The following B4GALT5 variants were observed in gnomAD, a reference collection of about 807,000 sequenced individuals.
B4GALT5 encodes the protein UDP-Gal:beta-GlcNAc beta-1,4-galactosyltransferase 5.
B4GALT5 carries 11 observed loss-of-function variants against 45.0 expected under a neutral mutation model. The observed-to-expected ratio is 0.24, with a 90% CI of 0.15 to 0.40. The LOEUF is 0.40. Among genes scored for constraint, B4GALT5 ranks in the 10% least tolerant of loss-of-function variants. The pLI is 1.00. For synonymous variants in B4GALT5, 185 were observed against 182.9 expected, an observed-to-expected ratio of 1.01 and a Z score of -0.09; for missense variants, 337 against 500.2, an observed-to-expected ratio of 0.67 and a Z score of 3.11.
chr20:49,685,465 T>G (rs932680206), intron 1 of B4GALT5, among the ~76,000 whole-genome samples: 2 of 152,096 alleles, frequency 1.3e-5, no homozygotes, highest in Admixed American at 6.6e-5. Flanking sequence ...GGGTAGCAAC[T>G]GCTGAGCCTC....
At chr20:49,652,826 T>C (rs578161320) in intron 2 of B4GALT5, among the ~76,000 whole-genome samples, 25 of 152,296 alleles carry the variant, frequency 1.6e-4, no homozygotes, top group Admixed American at 2.6e-4. Context: ...GATGCCTGAA[T>C]GTGGGTATGT....
At chr20:49,637,471 A>T in intron 7 of B4GALT5, 29 bp from the exon 8 acceptor site, 1 of 1,556,084 alleles carries the variant, frequency 6.4e-7, no homozygotes, top group Non-Finnish European at 8.9e-7. Context: ...ACAGGCTTTT[A>T]GATACAACGG....
At position 49,635,446 on chromosome 20, in the gene B4GALT5, G is replaced by C. The variant is rs3827089; in HGVS notation, c.*866C>G. On this transcript the variant is annotated 3_prime_UTR_variant, in exon 9 of 9. Coordinates refer to ENST00000371711, the MANE Select transcript of B4GALT5 (RefSeq NM_004776.4). ...AGAAGTCAAGGGCAAGACTCGTGGG[G>C]GGGGGAAGAAAGGGACAGAAGCCAG... is the stretch of plus-strand genomic sequence containing the variant. 2,441 of 152,134 alleles carry C rather than the reference G, an allele frequency of 0.016. 38 individuals carry two copies. Among genetic ancestry groups the C allele is most frequent in the East Asian group, 0.082 (424 of 5,182 alleles). 9.4% of individuals were successfully genotyped at this position (152,134 alleles called of 1,614,324 possible).
At position 49,663,678 on chromosome 20, in the gene B4GALT5, A is replaced by AAAAAAAAG. The variant is rs1336978485; in HGVS notation, c.116-6977_116-6976insCTTTTTTT. Reference sequence around the variant, plus strand: ...ACATAGTGAGAATTCATCTCAAGAAAAAAAAAAAAAAAATATATACATATA... The same window carrying AAAAAAAAG: ...ACATAGTGAGAATTCATCTCAAGAAAAAAAAAAGAAAAAAAAAAAAATATATACATATA... On this transcript the variant is annotated intron_variant, in intron 1 of 8. Transcript: ENST00000371711. Among the ~76,000 whole-genome samples, 141 of 65,518 alleles carry AAAAAAAAG rather than the reference A, an allele frequency of 2.2e-3. 18 individuals carry two copies. The highest frequency in any genetic ancestry group is 2.5e-3 in the African/African-American group (39 of 15,356). The allele number at this position is 65,518 out of a possible 152,430, so 43.0% of individuals were successfully genotyped here.
intron 1 of B4GALT5, among the ~76,000 whole-genome samples, chr20:49,680,530 T>C (rs868056248): frequency 1.3e-5 from 2 of 152,168 alleles, no homozygotes; most frequent in South Asian, 2.1e-4. Flanking sequence ...TATGATTCCA[T>C]TTATCTGAGG....
intron 3 of B4GALT5, among the ~76,000 whole-genome samples, chr20:49,645,324 A>T (rs577478135): frequency 6.6e-6 from 1 of 152,220 alleles, no homozygotes; most frequent in Admixed American, 6.5e-5. Flanking sequence ...CGGTGGTTGC[A>T]TAAGATCACA....
intron 1 of B4GALT5, among the ~76,000 whole-genome samples, chr20:49,698,764 C>T (rs112859415): frequency 0.014 from 2,198 of 152,198 alleles, 60 homozygotes; most frequent in African/African-American, 0.05. Flanking sequence ...GTGTTGTGGA[C>T]GAGGAAGGCA....
At chr20:49,672,521 G>A (rs573650567) in intron 1 of B4GALT5, among the ~76,000 whole-genome samples, 4 of 152,232 alleles carry the variant, frequency 2.6e-5, no homozygotes, top group African/African-American at 7.2e-5. Flanking sequence ...GGGCCATGCA[G>A]AATGCTGGAT....
chr20:49,636,485 G>C, intron 8 of B4GALT5, 26 bp from the exon 9 acceptor site: 5 of 1,613,174 alleles, frequency 3.1e-6, no homozygotes, highest in Non-Finnish European at 4.2e-6. Flanking sequence ...ACAGAGAAGA[G>C]GTGGCTCTGA....
At chr20:49,706,197 CAAA>C (rs11483927) in intron 1 of B4GALT5, among the ~76,000 whole-genome samples, 2 of 133,242 alleles carry the variant, frequency 1.5e-5, no homozygotes, top group Admixed American at 7.6e-5. Context: ...AACTCCATCT[CAAA>C]AAAAAAAAAA....
intron 1 of B4GALT5, among the ~76,000 whole-genome samples, chr20:49,659,815 CT>C (rs113286413): frequency 1.3e-3 from 185 of 144,846 alleles, no homozygotes; most frequent in Admixed American, 3.3e-3. Context: ...TTCTTTTTTT[CT>C]TTTTTTTTTT....
chr20:49,637,467 T>C lies in B4GALT5; in HGVS notation c.918-25A>G, dbSNP rs764035497. The C allele has an allele frequency of 9.5e-6, 15 of 1,571,024 alleles. No individual in the cohort carries two copies. The South Asian group carries it at 1.6e-4, about 16-fold the overall frequency. ...TCTGTCCAAGACCAAGAGAACAGGCTTTTAGATACAACGGTAATAGCCCAG... is the reference window on the plus strand; with the variant it reads ...TCTGTCCAAGACCAAGAGAACAGGCCTTTAGATACAACGGTAATAGCCCAG... On this transcript the variant is annotated intron_variant, in intron 7 of 8. Coordinates refer to ENST00000371711, the MANE Select transcript of B4GALT5 (RefSeq NM_004776.4).
intron 1 of B4GALT5, among the ~76,000 whole-genome samples, chr20:49,699,939 T>C (rs1199912057): frequency 1.3e-5 from 2 of 152,214 alleles, no homozygotes; most frequent in Non-Finnish European, 2.9e-5. Flanking sequence ...TAAGTATATT[T>C]TGTCTTATGT....
At chr20:49,638,611 G>C (rs2085563692) in intron 7 of B4GALT5, among the ~76,000 whole-genome samples, 1 of 152,018 alleles carries the variant, frequency 6.6e-6, no homozygotes, top group Non-Finnish European at 1.5e-5. Flanking sequence ...TGGGCATTTA[G>C]TACAGAGAAC....
chr20:49,711,237 T>G (rs931555682), intron 1 of B4GALT5, among the ~76,000 whole-genome samples: 2 of 152,174 alleles, frequency 1.3e-5, no homozygotes, highest in Non-Finnish European at 2.9e-5. Context: ...CTAATGAAAA[T>G]GTAAGTGCTC....
At chr20:49,655,991 A>C (rs1180748586) in intron 2 of B4GALT5, among the ~76,000 whole-genome samples, 1 of 152,044 alleles carries the variant, frequency 6.6e-6, no homozygotes, top group Non-Finnish European at 1.5e-5. Context: ...CTATAGTTTA[A>C]ATGTCTGTCC....
At chr20:49,709,177 G>A (rs569803572) in intron 1 of B4GALT5, among the ~76,000 whole-genome samples, 129 of 152,130 alleles carry the variant, frequency 8.5e-4, no homozygotes, top group African/African-American at 3.1e-3. Context: ...GAAGTACTCT[G>A]AGCTCTCGGA....
At chr20:49,642,228 G>A (rs959865332) in intron 5 of B4GALT5, among the ~76,000 whole-genome samples, 1 of 152,078 alleles carries the variant, frequency 6.6e-6, no homozygotes. Context: ...CATAATACAA[G>A]AGGCCTTTGT....
intron 1 of B4GALT5, among the ~76,000 whole-genome samples, chr20:49,684,221 T>C (rs1228002177): frequency 6.6e-6 from 1 of 151,840 alleles, no homozygotes; most frequent in Non-Finnish European, 1.5e-5. Context: ...TAAGGGAGTC[T>C]TGTATATGGT....
Sources: gnomAD v4.1 joint callset for allele counts (sites outside exome capture counted in the v4.1 genomes callset) on GRCh38, gnomAD v4.1.1 for gene constraint, MANE v1.5 for transcripts, NCBI Gene and HGNC (gene_info 2026-07-23, HGNC 2026-07-21) for gene names.